Variants in NT5DC3 observed in about 807,000 individuals in gnomAD.
NT5DC3 encodes 5'-nucleotidase domain containing 3, also known as 5'-nucleotidase domain-containing protein 3.
In NT5DC3, 42 loss-of-function variants were observed where a neutral mutation model predicts 67.8. The ratio of observed to expected loss-of-function variants is 0.62; its 90% CI spans 0.48 to 0.80. NT5DC3 has a LOEUF of 0.80. Ranked by LOEUF, NT5DC3 falls within the 30% of genes least tolerant of loss-of-function variation. NT5DC3 has a pLI of 0.00. For synonymous variants in NT5DC3, 237 were observed against 255.6 expected, an observed-to-expected ratio of 0.93 and a Z score of 0.69; for missense variants, 570 against 696.4, an observed-to-expected ratio of 0.82 and a Z score of 2.04.
the NT5DC3 span, among the ~76,000 whole-genome samples, chr12:103,753,741 T>C: frequency 4.6e-5 from 7 of 152,166 alleles, no homozygotes; most frequent in Admixed American, 4.6e-4. Context: ...ACCATGACAT[T>C]CAACTGCCAA....
intron 12 of NT5DC3, 76 bp from the exon 13 acceptor site, chr12:103,780,440 A>G: frequency 7.2e-7 from 1 of 1,384,078 alleles, no homozygotes; most frequent in Non-Finnish European, 1.0e-6. Context: ...TTTTTTAATG[A>G]GCAGTTTTTC....
chr12:103,781,794 C>A (rs944790134), intron 12 of NT5DC3, among the ~76,000 whole-genome samples: 1 of 152,184 alleles, frequency 6.6e-6, no homozygotes, highest in African/African-American at 2.4e-5. Flanking sequence ...AGAGTGGGTA[C>A]TTAACATTGG....
At chr12:103,818,975 G>A (rs1887380478) in intron 1 of NT5DC3, among the ~76,000 whole-genome samples, 1 of 152,222 alleles carries the variant, frequency 6.6e-6, no homozygotes. Flanking sequence ...TCCAAAGGAG[G>A]TTCAAACAGC....
intron 12 of NT5DC3, among the ~76,000 whole-genome samples, chr12:103,781,593 T>C (rs1885555051): frequency 6.6e-6 from 1 of 152,132 alleles, no homozygotes; most frequent in Non-Finnish European, 1.5e-5. Flanking sequence ...CCATTAAACA[T>C]GCTCAAGTCT....
intron 5 of NT5DC3, among the ~76,000 whole-genome samples, chr12:103,798,092 C>T (rs371487149): frequency 4.0e-5 from 6 of 151,822 alleles, no homozygotes; most frequent in African/African-American, 1.5e-4. Context: ...ACTAGCTGAC[C>T]GAGCATCGTC....
At chr12:103,753,484 C>A in the NT5DC3 span, 2 of 1,218,434 alleles carry the variant, frequency 1.6e-6, no homozygotes, top group Non-Finnish European at 2.3e-6. Flanking sequence ...TGGAACAATG[C>A]TAACAGTCAC....
At chr12:103,790,130 G>A (rs1885978985) in intron 9 of NT5DC3, among the ~76,000 whole-genome samples, 4 of 151,792 alleles carry the variant, frequency 2.6e-5, no homozygotes, top group Admixed American at 2.6e-4. Context: ...TTGGAGAAAG[G>A]GTCTCACTCT....
intron 1 of NT5DC3, among the ~76,000 whole-genome samples, chr12:103,827,705 G>A (rs1250957960): frequency 2.0e-5 from 3 of 152,160 alleles, no homozygotes; most frequent in Non-Finnish European, 2.9e-5. Context: ...ATCCTTTAAA[G>A]TATAAAAATT....
intron 4 of NT5DC3, among the ~76,000 whole-genome samples, chr12:103,804,646 C>A (rs1430595673): frequency 6.6e-6 from 1 of 152,030 alleles, no homozygotes; most frequent in East Asian, 1.9e-4. Flanking sequence ...TGGAAAAAAT[C>A]AGAGATACCT....
intron 5 of NT5DC3, among the ~76,000 whole-genome samples, chr12:103,798,053 G>T (rs939429103): frequency 2.6e-5 from 4 of 152,190 alleles, no homozygotes; most frequent in Non-Finnish European, 5.9e-5. Flanking sequence ...TAGAATCATT[G>T]TAAGTCAGGG....
chr12:103,757,332 C>A, the NT5DC3 span, among the ~76,000 whole-genome samples: 2 of 152,178 alleles, frequency 1.3e-5, no homozygotes, highest in African/African-American at 4.8e-5. Context: ...AAGCTGCTCT[C>A]TCACCTCAGC....
At chr12:103,764,216 G>T in the NT5DC3 span, among the ~76,000 whole-genome samples, 2 of 152,168 alleles carry the variant, frequency 1.3e-5, no homozygotes, top group Non-Finnish European at 2.9e-5. Context: ...GCCTCCCAAA[G>T]TGCTGGGATT....
At chr12:103,795,537 A>G (rs182010748) in intron 6 of NT5DC3, among the ~76,000 whole-genome samples, 1 of 152,284 alleles carries the variant, frequency 6.6e-6, no homozygotes, top group African/African-American at 2.4e-5. Flanking sequence ...ATAATACCAC[A>G]CTGATATTGA....
chr12:103,836,182 T>C (rs1888139438), intron 1 of NT5DC3, among the ~76,000 whole-genome samples: 1 of 152,264 alleles, frequency 6.6e-6, no homozygotes, highest in Non-Finnish European at 1.5e-5. Context: ...ATTCCGCCCC[T>C]GGTCCCTCCA....
rs542578076 is a variant in NT5DC3, at chr12:103,825,082, C to T, written c.209-9961G>A. On this transcript the variant is annotated intron_variant, in intron 1 of 13. Transcript: ENST00000392876. ...TGGCATGGGGCTGGGCATGCCCCCC[C>T]GGGAAGAGGCAATTCAAGAGTCAGT... Among the ~76,000 whole-genome samples the T allele has an allele frequency of 3.9e-5, 6 of 152,224 alleles. No individual in the cohort carries two copies. In the East Asian group the frequency reaches 5.8e-4, roughly 15 times the overall value.
chr12:103,805,869 A>C (rs1886778151), intron 4 of NT5DC3, among the ~76,000 whole-genome samples: 1 of 142,842 alleles, frequency 7.0e-6, no homozygotes, highest in Non-Finnish European at 1.5e-5. Context: ...AAAAAAAAAA[A>C]AGTCTCAATA....
intron 1 of NT5DC3, among the ~76,000 whole-genome samples, chr12:103,829,801 A>AT (rs771654423): frequency 6.7e-6 from 1 of 149,638 alleles, no homozygotes; most frequent in Non-Finnish European, 1.5e-5. Context: ...GACCTTTGGG[A>AT]TTTTTTTTCC....
chr12:103,823,640 ATT>A (rs1255972377), intron 1 of NT5DC3, among the ~76,000 whole-genome samples: 1 of 152,200 alleles, frequency 6.6e-6, no homozygotes, highest in Non-Finnish European at 1.5e-5. Flanking sequence ...AAGATTTCAT[ATT>A]TATTTAACAT....
chr12:103,783,973 A>T (rs916601961), intron 12 of NT5DC3, among the ~76,000 whole-genome samples: 2 of 152,152 alleles, frequency 1.3e-5, no homozygotes, highest in African/African-American at 4.8e-5. Context: ...TGAAGCATGG[A>T]CTTGGGGACT....
Sources: allele counts gnomAD v4.1 joint callset (sites outside exome capture counted in the v4.1 genomes callset), GRCh38; gene constraint gnomAD v4.1.1; transcripts MANE v1.5; gene names NCBI Gene and HGNC (gene_info 2026-07-23, HGNC 2026-07-21).